The following ARFGEF1 variants were observed in gnomAD, a reference collection of about 807,000 sequenced individuals.
The protein encoded by ARFGEF1 is brefeldin A-inhibited guanine nucleotide-exchange protein 1.
In ARFGEF1, 42 loss-of-function variants were observed where a neutral mutation model predicts 231.0. The ratio of observed to expected loss-of-function variants is 0.18; its 90% CI spans 0.14 to 0.24. The LOEUF is 0.24. Among genes scored for constraint, ARFGEF1 ranks in the 10% least tolerant of loss-of-function variants. The pLI, the probability that ARFGEF1 is intolerant of heterozygous loss-of-function variation, is 1.00. For missense variants in ARFGEF1, 1,345 were observed against 2,192.0 expected (o/e 0.61, Z 7.72); for synonymous variants, 710 against 732.3 (o/e 0.97, Z 0.49).
chr8:67,204,306 C>T (rs529906874), intron 35 of ARFGEF1, among the ~76,000 whole-genome samples: 7 of 152,268 alleles, frequency 4.6e-5, no homozygotes, highest in African/African-American at 1.7e-4. Context: ...TATCACTTGA[C>T]CTATCCAGAG....
chr8:67,260,552 T>A (rs1804573881), intron 14 of ARFGEF1, among the ~76,000 whole-genome samples: 1 of 152,194 alleles, frequency 6.6e-6, no homozygotes, highest in Non-Finnish European at 1.5e-5. Flanking sequence ...TATAAGATGG[T>A]AAACTTAATC....
At chr8:67,331,391 T>C (rs1306376089) in intron 1 of ARFGEF1, among the ~76,000 whole-genome samples, 1 of 152,096 alleles carries the variant, frequency 6.6e-6, no homozygotes, top group Non-Finnish European at 1.5e-5. Flanking sequence ...TGAATGGAAT[T>C]AGTGCCCTTA....
intron 1 of ARFGEF1, 57 bp downstream of exon 1, chr8:67,343,107 G>GGCCCCCC: frequency 2.3e-6 from 1 of 426,110 alleles, no homozygotes; most frequent in Non-Finnish European, 3.5e-6. Context: ...CCCCACAGGC[G>GGCCCCCC]CCCCCCTCCC....
chr8:67,267,548 C>T (rs974646743), intron 10 of ARFGEF1, 106 bp from the exon 11 acceptor site: 14 of 670,670 alleles, frequency 2.1e-5, no homozygotes, highest in Non-Finnish European at 3.5e-5. Flanking sequence ...GACCCAGGCT[C>T]TTATGGAGTT....
At chr8:67,247,818 C>G (rs373762249) in intron 19 of ARFGEF1, among the ~76,000 whole-genome samples, 13 of 150,502 alleles carry the variant, frequency 8.6e-5, no homozygotes, top group Non-Finnish European at 1.9e-4. Flanking sequence ...AAAGCCTGAA[C>G]GCTCTACCAA....
chr8:67,190,881 A>C, intron 5 of ARFGEF1: 1 of 701,808 alleles, frequency 1.4e-6, no homozygotes, highest in Non-Finnish European at 2.5e-6. Context: ...CATGGGTCTG[A>C]ATCTAGGCTC....
chr8:67,227,650 C>G, intron 25 of ARFGEF1, 52 bp from the exon 26 acceptor site: 1 of 1,561,574 alleles, frequency 6.4e-7, no homozygotes, highest in African/African-American at 1.4e-5. Context: ...CAGTAAAAAT[C>G]TACAATTCTT....
intron 1 of ARFGEF1, among the ~76,000 whole-genome samples, chr8:67,326,191 C>G (rs1388080974): frequency 1.3e-5 from 2 of 152,026 alleles, no homozygotes; most frequent in Non-Finnish European, 2.9e-5. Flanking sequence ...GAGTGAAACT[C>G]CATCTCAAAA....
chr8:67,284,797 G>C (rs998102150), intron 7 of ARFGEF1, among the ~76,000 whole-genome samples: 2 of 152,156 alleles, frequency 1.3e-5, no homozygotes, highest in African/African-American at 4.8e-5. Context: ...AGCAACAAGA[G>C]CATCTTGTAA....
rs556106526 is a variant in ARFGEF1, at chr8:67,266,808, T to C, written c.1921+68A>G. 36 of 1,261,146 alleles carry C rather than the reference T, an allele frequency of 2.9e-5. 1 individual carries two copies. The South Asian group carries it at 4.7e-4, about 16-fold the overall frequency. The allele number at this position is 1,261,146 out of a possible 1,614,324, so 78.1% of individuals were successfully genotyped here. ...GTCATGAAATTGGTTTAACAGCAGC[T>C]GCAACTATCCTCCAAAGTATTATTC... On this transcript the variant is annotated intron_variant, in intron 13 of 38. Transcript: ENST00000262215.
At chr8:67,224,877 T>C in intron 29 of ARFGEF1, 26 bp downstream of exon 29, 1 of 1,469,698 alleles carries the variant, frequency 6.8e-7, no homozygotes, top group Non-Finnish European at 9.1e-7. Flanking sequence ...AAATCCAAAA[T>C]TTTAATTACA....
chr8:67,190,655 T>G, intron 5 of ARFGEF1: 3 of 1,613,774 alleles, frequency 1.9e-6, no homozygotes, highest in South Asian at 1.1e-5. Context: ...CTTAGGGGCT[T>G]ACGGTGAGAC....
rs751084276 is a variant in ARFGEF1, at chr8:67,343,196, G to A, written c.92C>T (p.Ser31Phe). 1 of 1,613,004 alleles carries A rather than the reference G, an allele frequency of 6.2e-7. No homozygotes were observed. Among genetic ancestry groups the A allele is most frequent in the African/African-American group, 1.3e-5 (1 of 74,848 alleles). Residue 31 changes from serine (S) to phenylalanine (F), a missense_variant, in exon 1 of 39, where the codon TCC (serine) becomes TTC (phenylalanine). Physicochemically the swap from Ser to Phe is radical, Grantham distance 155. Coordinates refer to ENST00000262215, the MANE Select transcript of ARFGEF1 (RefSeq NM_006421.5). The part of the protein sequence containing the change: ...ADKEVKKAHH[S>F]QLRKACEVAL... ...CACCTCGCAAGCTTTGCGCAGCTGG[G>A]AGTGATGCGCCTTCTTCACTTCCTT...
At chr8:67,333,332 C>CTTT (rs35291856) in intron 1 of ARFGEF1, among the ~76,000 whole-genome samples, 1 of 142,106 alleles carries the variant, frequency 7.0e-6, no homozygotes, top group Admixed American at 7.1e-5. Context: ...CATGCCTGGC[C>CTTT]TTTTTTTTTT....
At chr8:67,332,054 A>G (rs899687765) in intron 1 of ARFGEF1, among the ~76,000 whole-genome samples, 1 of 152,212 alleles carries the variant, frequency 6.6e-6, no homozygotes, top group East Asian at 1.9e-4. Context: ...AAACTCAAAA[A>G]TATTTAAACA....
At chr8:67,324,352 C>G (rs947440372) in intron 1 of ARFGEF1, among the ~76,000 whole-genome samples, 1 of 152,102 alleles carries the variant, frequency 6.6e-6, no homozygotes, top group Admixed American at 6.6e-5. Flanking sequence ...CTTTCTTTGC[C>G]AAACTGTATT....
intron 5 of ARFGEF1, among the ~76,000 whole-genome samples, chr8:67,181,990 C>T (rs1833170672): frequency 6.6e-6 from 1 of 152,050 alleles, no homozygotes; most frequent in Non-Finnish European, 1.5e-5. Context: ...CATGTTATAG[C>T]ATGTGTCAGA....
chr8:67,295,983 G>A (rs528385435), intron 5 of ARFGEF1, among the ~76,000 whole-genome samples: 1 of 152,252 alleles, frequency 6.6e-6, no homozygotes, highest in South Asian at 2.1e-4. Flanking sequence ...CAATCAACCT[G>A]AAGCAGTTCA....
At chr8:67,226,267 G>T in intron 27 of ARFGEF1, 84 bp from the exon 28 acceptor site, 1 of 1,199,722 alleles carries the variant, frequency 8.3e-7, no homozygotes, top group Non-Finnish European at 1.1e-6. Flanking sequence ...TAGATGTAAT[G>T]CACTTCCTCT....
Sources: allele counts gnomAD v4.1 joint callset (sites outside exome capture counted in the v4.1 genomes callset), GRCh38; gene constraint gnomAD v4.1.1; transcripts MANE v1.5; gene names NCBI Gene and HGNC (gene_info 2026-07-23, HGNC 2026-07-21).